ZNF516: variants seen among roughly 807,000 people sequenced by gnomAD.
ZNF516 encodes zinc finger protein 516.
In ZNF516, 19 loss-of-function variants were observed where a neutral mutation model predicts 79.7. The observed-to-expected ratio is 0.24, with a 90% CI of 0.17 to 0.35. The LOEUF (loss-of-function observed/expected upper bound fraction) is 0.35. Ranked by LOEUF, ZNF516 falls within the 10% of genes least tolerant of loss-of-function variation. The probability of loss-of-function intolerance (pLI) is 1.00; values close to 1 mark genes in which losing one functional copy is unlikely to be tolerated. For synonymous variants in ZNF516, 877 were observed against 739.5 expected, an observed-to-expected ratio of 1.19 and a Z score of -3.02; for missense variants, 1,678 against 1,679.5, an observed-to-expected ratio of 1.00 and a Z score of 0.02.
At chr18:76,448,654 TGA>T (rs765415946) in intron 2 of ZNF516, among the ~76,000 whole-genome samples, 3 of 152,132 alleles carry the variant, frequency 2.0e-5, no homozygotes, top group Non-Finnish European at 4.4e-5. Flanking sequence ...GAACTTCAGG[TGA>T]CGGCAGGCTC....
chr18:76,433,234 G>A (rs1020779343), intron 3 of ZNF516, among the ~76,000 whole-genome samples: 1 of 152,164 alleles, frequency 6.6e-6, no homozygotes, highest in Non-Finnish European at 1.5e-5. Context: ...GAGTACTCCC[G>A]TGCAAAACTA....
At chr18:76,460,617 C>T (rs990789875) in intron 2 of ZNF516, among the ~76,000 whole-genome samples, 1 of 152,136 alleles carries the variant, frequency 6.6e-6, no homozygotes, top group Admixed American at 6.5e-5. Context: ...GCTGATCGAT[C>T]CTGTTTTCCT....
At chr18:76,373,097 TTGAGA>T (rs2074733088) in intron 4 of ZNF516, among the ~76,000 whole-genome samples, 1 of 151,952 alleles carries the variant, frequency 6.6e-6, no homozygotes, top group South Asian at 2.1e-4. Flanking sequence ...CTGCATTGAG[TTGAGA>T]TCACACCACT....
In ZNF516 at chr18:76,443,014, C is replaced by G. The variant is rs1422099929; in HGVS notation, c.41G>C (p.Gly14Ala). ...NREAEMELRR[G>A]PSPTRAGRGH... ...CCGGCCGGCCCTGGTGGGGCTGGGG[C>G]CTCGCCTCAGCTCCATCTCGGCCTC... The change falls in exon 3 of 7, where the codon GGC becomes GCC. Residue 14 changes from glycine (G) to alanine (A), a missense_variant. Transcript: ENST00000443185. 1.3e-6 allele frequency: 2 copies of G among 1,598,714 alleles called. No homozygotes were observed. The highest frequency in any genetic ancestry group is 1.7e-5 in the Admixed American group (1 of 59,464).
intron 3 of ZNF516, among the ~76,000 whole-genome samples, chr18:76,410,006 ACT>A (rs1265060274): frequency 1.3e-5 from 2 of 151,344 alleles, no homozygotes; most frequent in Admixed American, 6.6e-5. Flanking sequence ...CCTTGCACAC[ACT>A]CTCTTGCCCA....
intron 3 of ZNF516, 70 bp from the exon 4 acceptor site, chr18:76,380,373 T>C: frequency 3.9e-6 from 6 of 1,546,732 alleles, no homozygotes; most frequent in South Asian, 1.2e-5. Context: ...ACACGGTGCG[T>C]ACAGCTACAG....
intron 6 of ZNF516, among the ~76,000 whole-genome samples, chr18:76,369,784 C>G (rs2074673032): frequency 6.6e-6 from 1 of 152,116 alleles, no homozygotes; most frequent in South Asian, 2.1e-4. Context: ...TTGGAGAAAG[C>G]CAGAATGTTA....
chr18:76,401,887 T>C (rs2075233108), intron 3 of ZNF516, among the ~76,000 whole-genome samples: 1 of 24,252 alleles, frequency 4.1e-5, no homozygotes, highest in Admixed American at 6.3e-4. Context: ...GTTTATAGGC[T>C]CTCAAGAGGG....
chr18:76,473,209 G>C (rs1452251927), intron 1 of ZNF516, among the ~76,000 whole-genome samples: 1 of 151,280 alleles, frequency 6.6e-6, no homozygotes, highest in East Asian at 1.9e-4. Context: ...GAAAAAGCGA[G>C]GAAGCACAAA....
rs553802432 is a variant in ZNF516, at chr18:76,441,530, T to C, written c.1525A>G (p.Thr509Ala). The C allele has an allele frequency of 4.4e-6, 7 of 1,575,730 alleles. No homozygotes were observed. In the African/African-American group the frequency reaches 9.6e-5, roughly 22 times the overall value. ...ARPNRRAAATTGQGKSSECFE... is the reference protein window; with the variant it reads ...ARPNRRAAATAGQGKSSECFE... Reference sequence around the variant, plus strand: ...CACTCGGAGGACTTGCCCTGGCCGGTGGTGGCTGCGGCCCTGCGGTTGGGG... The same window carrying C: ...CACTCGGAGGACTTGCCCTGGCCGGCGGTGGCTGCGGCCCTGCGGTTGGGG... Residue 509 changes from threonine to alanine, a missense_variant, in exon 3 of 7, where the codon ACC becomes GCC. Coordinates refer to ENST00000443185, the MANE Select transcript of ZNF516 (RefSeq NM_014643.4).
intron 2 of ZNF516, among the ~76,000 whole-genome samples, chr18:76,443,657 A>G (rs1483822742): frequency 6.6e-6 from 1 of 152,198 alleles, no homozygotes; most frequent in Non-Finnish European, 1.5e-5. Flanking sequence ...ACAGGTGGTG[A>G]CAACAGTTGA....
chr18:76,485,429 G>T (rs753970380), intron 1 of ZNF516, among the ~76,000 whole-genome samples: 1 of 152,174 alleles, frequency 6.6e-6, no homozygotes, highest in Non-Finnish European at 1.5e-5. Flanking sequence ...TCACGTTCTC[G>T]AAGCAAAGCC....
chr18:76,430,134 C>G (rs1167325561), intron 3 of ZNF516, among the ~76,000 whole-genome samples: 1 of 152,212 alleles, frequency 6.6e-6, no homozygotes, highest in African/African-American at 2.4e-5. Flanking sequence ...ACCAACACAT[C>G]CCTATCTGTC....
rs752417720 is a variant in ZNF516 at position 76,443,078 on chromosome 18, G to A, written c.-24C>T. On this transcript the variant is annotated 5_prime_UTR_variant, in exon 3 of 7. Coordinates refer to ENST00000443185, the MANE Select transcript of ZNF516 (RefSeq NM_014643.4). ...ATCCGAAGGACGGGCGCGGCCGGTG[G>A]TGGCGGCACAGCTTTCTGTCGCGCG... is the stretch of plus-strand genomic sequence containing the variant. The A allele has an allele frequency of 2.6e-6, 4 of 1,556,848 alleles. No homozygotes were observed. Among genetic ancestry groups the A allele is most frequent in the Admixed American group, 1.9e-5 (1 of 52,316 alleles).
intron 1 of ZNF516, chr18:76,490,829 CTTTG>C: frequency 2.0e-6 from 2 of 985,500 alleles, no homozygotes; most frequent in Non-Finnish European, 2.4e-6. Context: ...GGGCTCCGTC[CTTTG>C]TTACGCAGGG....
chr18:76,383,921 G>A (rs1402233260), intron 3 of ZNF516, among the ~76,000 whole-genome samples: 2 of 152,202 alleles, frequency 1.3e-5, no homozygotes, highest in African/African-American at 4.8e-5. Flanking sequence ...ATAAACTACT[G>A]CCAAGTCCAG....
At chr18:76,383,216 G>A (rs1027847972) in intron 3 of ZNF516, among the ~76,000 whole-genome samples, 6 of 152,182 alleles carry the variant, frequency 3.9e-5, no homozygotes, top group Admixed American at 1.3e-4. Flanking sequence ...GGAAACTGAA[G>A]CTATTCGCAG....
chr18:76,408,966 C>G (rs572796089), intron 3 of ZNF516, among the ~76,000 whole-genome samples: 1 of 152,128 alleles, frequency 6.6e-6, no homozygotes, highest in African/African-American at 2.4e-5. Flanking sequence ...GCCAAAGATA[C>G]GAAAAGTTAA....
At chr18:76,374,896 A>T (rs1188972462) in intron 4 of ZNF516, among the ~76,000 whole-genome samples, 2 of 152,238 alleles carry the variant, frequency 1.3e-5, no homozygotes, top group African/African-American at 4.8e-5. Flanking sequence ...ATAATAAGAC[A>T]CGTCAAAAAG....
Sources: allele counts gnomAD v4.1 joint callset (sites outside exome capture counted in the v4.1 genomes callset), GRCh38; gene constraint gnomAD v4.1.1; transcripts MANE v1.5; gene names NCBI Gene and HGNC (gene_info 2026-07-23, HGNC 2026-07-21).